Variants in NLGN1 observed in about 807,000 individuals in gnomAD.
NLGN1 encodes the protein neuroligin-1.
In NLGN1, 12 loss-of-function variants were observed where a neutral mutation model predicts 65.5. The observed-to-expected ratio is 0.18, with a 90% CI of 0.12 to 0.30. NLGN1 has a LOEUF of 0.30. Ranked by LOEUF, NLGN1 falls within the 10% of genes least tolerant of loss-of-function variation. The probability of loss-of-function intolerance (pLI) is 1.00; values close to 1 mark genes in which losing one functional copy is unlikely to be tolerated. For missense variants in NLGN1, 750 were observed against 1,007.1 expected, an observed-to-expected ratio of 0.74 and a Z score of 3.46; for synonymous variants, 350 against 359.5, an observed-to-expected ratio of 0.97 and a Z score of 0.30.
rs554368753 is a variant in NLGN1, at chr3:173,542,345, G to A, written c.-320-61934G>A. On this transcript the variant is annotated intron_variant, in intron 2 of 6. Coordinates refer to ENST00000457714, the Ensembl canonical transcript of NLGN1. ...AAAGTTTTATTCTGTTCTTTAAAGG[G>A]TGTTTTCATCTCTTTGGAAGTTAAC... 1.1e-4 allele frequency among the ~76,000 whole-genome samples: 17 copies of A among 152,004 alleles called. No individual in the cohort carries two copies. The East Asian group carries it at 1.4e-3, about 12-fold the overall frequency.
intron 2 of NLGN1, among the ~76,000 whole-genome samples, chr3:173,459,071 G>A (rs1722954868): frequency 6.6e-6 from 1 of 151,938 alleles, no homozygotes; most frequent in South Asian, 2.1e-4. Flanking sequence ...GAGACACTCT[G>A]TTAAGAAGAA....
chr3:173,550,222 A>T (rs1740605586), intron 2 of NLGN1, among the ~76,000 whole-genome samples: 1 of 152,146 alleles, frequency 6.6e-6, no homozygotes, highest in African/African-American at 2.4e-5. Flanking sequence ...TAGATAATTA[A>T]AATGAATAAA....
rs143104537 is a variant in NLGN1 at position 174,255,490 on chromosome 3, A to C, written c.647-19825A>C. Among the ~76,000 whole-genome samples the C allele has an allele frequency of 4.5e-3, 668 of 149,154 alleles. 6 individuals carry two copies. The highest frequency in any genetic ancestry group is 0.016 in the African/African-American group (631 of 40,646). The stretch of plus-strand genomic sequence containing the variant: ...CAAAGAGCAGTGGTACTTTGCAGAG[A>C]GGAATCTGTGAATGAGAGTGACAGT... On this transcript the variant is annotated intron_variant, in intron 4 of 6. Transcript: ENST00000457714.
intron 2 of NLGN1, among the ~76,000 whole-genome samples, chr3:173,573,014 A>C (rs1309674693): frequency 6.6e-6 from 1 of 152,160 alleles, no homozygotes; most frequent in African/African-American, 2.4e-5. Flanking sequence ...CCATCACTAC[A>C]AGGTGATGCT....
intron 4 of NLGN1, among the ~76,000 whole-genome samples, chr3:174,183,707 A>G (rs1730866107): frequency 6.6e-6 from 1 of 152,174 alleles, no homozygotes; most frequent in Non-Finnish European, 1.5e-5. Flanking sequence ...CATACACAAC[A>G]TTCATAATTT....
intron 4 of NLGN1, among the ~76,000 whole-genome samples, chr3:174,195,876 C>T (rs766863169): frequency 1.3e-5 from 2 of 152,098 alleles, no homozygotes; most frequent in African/African-American, 2.4e-5. Flanking sequence ...CAACCATTTA[C>T]ATGGATTAGG....
rs148964213 is a variant in NLGN1, at chr3:173,909,126, G to T, written c.646+101294G>T. 5.6e-3 allele frequency among the ~76,000 whole-genome samples: 849 copies of T among 152,062 alleles called. 8 individuals carry two copies. The highest frequency in any genetic ancestry group is 0.019 in the African/African-American group (781 of 41,452). The stretch of plus-strand genomic sequence containing the variant: ...ATTATTCATTTTAAGGAAATAACTA[G>T]TATGAATTGTATTCTATTAGCTAGT... On this transcript the variant is annotated intron_variant, in intron 4 of 6. Transcript: ENST00000457714.
intron 4 of NLGN1, among the ~76,000 whole-genome samples, chr3:174,168,892 A>G (rs922307739): frequency 2.5e-4 from 38 of 152,278 alleles, no homozygotes; most frequent in African/African-American, 9.1e-4. Flanking sequence ...AGTTCTCTGC[A>G]TGGGGATAGG....
Position 173,848,783 on chromosome 3 carries a change from T to A in NLGN1, c.646+40951T>A, listed in dbSNP as rs540583257. ...ATGAATATTTTATTCAATCTTTATGTGAATTGATTTACCTCCTATTGAGTT... is the reference window on the plus strand; with the variant it reads ...ATGAATATTTTATTCAATCTTTATGAGAATTGATTTACCTCCTATTGAGTT... On this transcript the variant is annotated intron_variant, in intron 4 of 6. Transcript: ENST00000457714. Among the ~76,000 whole-genome samples, 56 of 152,348 alleles carry A rather than the reference T, an allele frequency of 3.7e-4. 1 individual carries two copies. Among genetic ancestry groups the A allele is most frequent in the African/African-American group, 1.3e-3 (56 of 41,594 alleles).
chr3:173,960,211 G>T (rs186283316), intron 4 of NLGN1, among the ~76,000 whole-genome samples: 1 of 151,854 alleles, frequency 6.6e-6, no homozygotes, highest in African/African-American at 2.4e-5. Flanking sequence ...CCTACAATAC[G>T]GGCTCTCTTT....
rs932004465 is a variant in NLGN1, at chr3:173,496,928, G to A, written c.-321+61850G>A. On this transcript the variant is annotated intron_variant, in intron 2 of 6. Coordinates refer to ENST00000457714, the Ensembl canonical transcript of NLGN1. Reference sequence around the variant, plus strand: ...GACTTTTTACTTTTCTCATTCTATTGTTTAATCCTTTTATTACAGAGTACC... The same window carrying A: ...GACTTTTTACTTTTCTCATTCTATTATTTAATCCTTTTATTACAGAGTACC... Among the ~76,000 whole-genome samples, 7 of 151,670 alleles carry A rather than the reference G, an allele frequency of 4.6e-5. No individual in the cohort carries two copies. The South Asian group carries it at 8.3e-4, about 18-fold the overall frequency.
rs78273688 is a variant in NLGN1, at chr3:174,171,348, C to T, written c.647-103967C>T. Among the ~76,000 whole-genome samples, 901 of 152,096 alleles carry T rather than the reference C, an allele frequency of 5.9e-3. 25 individuals carry two copies. The highest frequency in any genetic ancestry group is 0.031 in the East Asian group (162 of 5,158). The stretch of plus-strand genomic sequence containing the variant: ...TATTAAAAGAAATTAAATAGCATCA[C>T]GAACAAAATTAACTATAGGACAAAG... On this transcript the variant is annotated intron_variant, in intron 4 of 6. Transcript: ENST00000457714.
intron 3 of NLGN1, among the ~76,000 whole-genome samples, chr3:173,682,219 AAAT>A (rs1228081536): frequency 2.0e-5 from 3 of 152,190 alleles, no homozygotes; most frequent in Non-Finnish European, 4.4e-5. Flanking sequence ...TAAATTCAAG[AAAT>A]AATAACTATT....
At chr3:174,014,435 A>C (rs1361257998) in intron 4 of NLGN1, among the ~76,000 whole-genome samples, 1 of 152,168 alleles carries the variant, frequency 6.6e-6, no homozygotes, top group Non-Finnish European at 1.5e-5. Context: ...ACCGTCTTTC[A>C]ACATTCTACT....
intron 2 of NLGN1, among the ~76,000 whole-genome samples, chr3:173,483,674 GA>G (rs1362969130): frequency 6.6e-6 from 1 of 151,928 alleles, no homozygotes; most frequent in African/African-American, 2.4e-5. Flanking sequence ...TCCACTTGGA[GA>G]AAAAAGATTT....
At chr3:173,893,206 C>A (rs1414641027) in intron 4 of NLGN1, among the ~76,000 whole-genome samples, 4 of 152,152 alleles carry the variant, frequency 2.6e-5, no homozygotes, top group African/African-American at 4.8e-5. Flanking sequence ...ACTAAAGACA[C>A]TCATCCATCT....
At chr3:173,597,799 CTT>C (rs1264328103) in intron 2 of NLGN1, among the ~76,000 whole-genome samples, 1 of 50,952 alleles carries the variant, frequency 2.0e-5, no homozygotes, top group East Asian at 1.3e-3. Flanking sequence ...TTTAAAATGT[CTT>C]ATAAATACTG....
chr3:174,047,464 T>A (rs550983131), intron 4 of NLGN1, among the ~76,000 whole-genome samples: 251 of 152,176 alleles, frequency 1.6e-3, no homozygotes, highest in Non-Finnish European at 3.1e-3. Flanking sequence ...CCAAATCCAT[T>A]ACTGAGTTGC....
intron 3 of NLGN1, among the ~76,000 whole-genome samples, chr3:173,691,578 A>G (rs143155762): frequency 6.6e-6 from 1 of 152,104 alleles, no homozygotes; most frequent in African/African-American, 2.4e-5. Context: ...AAGTGGGATA[A>G]CTTATAACCC....
Sources: allele counts gnomAD v4.1 joint callset (sites outside exome capture counted in the v4.1 genomes callset), GRCh38; gene constraint gnomAD v4.1.1; transcripts MANE v1.5; gene names NCBI Gene and HGNC (gene_info 2026-07-23, HGNC 2026-07-21).